Variants in PHC3 observed in about 807,000 individuals in gnomAD.
PHC3 encodes polyhomeotic homolog 3.
PHC3 carries 13 observed loss-of-function variants against 107.4 expected under a neutral mutation model. That is an observed-to-expected ratio of 0.12 (90% CI 0.08 to 0.19). The LOEUF (loss-of-function observed/expected upper bound fraction) is 0.19, where lower values mean the gene tolerates loss of function less well. Ranked by LOEUF, PHC3 falls within the 10% of genes least tolerant of loss-of-function variation. The pLI is 1.00. For synonymous variants in PHC3, 456 were observed against 427.4 expected (o/e 1.07, Z -0.83); for missense variants, 992 against 1,210.9 (o/e 0.82, Z 2.68).
intron 8 of PHC3, 147 bp downstream of exon 8, chr3:170,128,537 C>G (rs1473821250): frequency 3.4e-6 from 4 of 1,169,882 alleles, no homozygotes; most frequent in Non-Finnish European, 4.6e-6. Context: ...TTTGCCCATA[C>G]AGCATGTTTG....
chr3:170,177,443 T>G (rs2108784722), intron 2 of PHC3, among the ~76,000 whole-genome samples: 1 of 152,284 alleles, frequency 6.6e-6, no homozygotes, highest in Middle Eastern at 3.4e-3. Flanking sequence ...CTTGGCTCAC[T>G]GCAACCTCTG....
intron 8 of PHC3, chr3:170,128,311 A>C (rs750185683): frequency 8.2e-7 from 1 of 1,219,212 alleles, no homozygotes; most frequent in Non-Finnish European, 1.1e-6. Flanking sequence ...CATACAAGCC[A>C]ACAGAAGGGA....
At chr3:170,101,712 T>A (rs1485146464) in intron 14 of PHC3, among the ~76,000 whole-genome samples, 1 of 152,160 alleles carries the variant, frequency 6.6e-6, no homozygotes, top group African/African-American at 2.4e-5. Context: ...GGTCTCATCA[T>A]GAGCAAAGGT....
At chr3:170,172,777 A>G (rs1336029691) in intron 2 of PHC3, 65 bp from the exon 3 acceptor site, 3 of 1,508,386 alleles carry the variant, frequency 2.0e-6, no homozygotes, top group Non-Finnish European at 2.7e-6. Context: ...TCAGAAAATC[A>G]AAGTATAAAA....
At chr3:170,162,438 T>C (rs932105412) in intron 4 of PHC3, among the ~76,000 whole-genome samples, 1 of 152,210 alleles carries the variant, frequency 6.6e-6, no homozygotes, top group East Asian at 1.9e-4. Context: ...CAAAATACTA[T>C]GGAGTCATCC....
At position 170,152,868 on chromosome 3, in the gene PHC3, C is replaced by CAA. The variant is rs528476472; in HGVS notation, c.415-3625_415-3624insTT. Among the ~76,000 whole-genome samples, 1,241 of 151,866 alleles carry CAA rather than the reference C, an allele frequency of 8.2e-3. 18 individuals carry two copies. The highest frequency in any genetic ancestry group is 0.028 in the African/African-American group (1,176 of 41,410). ...GTAGAGACAGGGTTTCATCATGTTG[C>CAA]CCAAGCTTGCCTCAAACTCCTGGGC... On this transcript the variant is annotated intron_variant, in intron 4 of 14. Transcript: ENST00000495893.
chr3:170,178,498 C>T (rs920297371), intron 2 of PHC3, among the ~76,000 whole-genome samples: 3 of 152,186 alleles, frequency 2.0e-5, no homozygotes, highest in African/African-American at 2.4e-5. Flanking sequence ...TCTTCCACCA[C>T]GGAATGAGGC....
intron 2 of PHC3, among the ~76,000 whole-genome samples, chr3:170,175,427 CAGA>C (rs1196093922): frequency 6.6e-6 from 1 of 151,550 alleles, no homozygotes; most frequent in Non-Finnish European, 1.5e-5. Flanking sequence ...AGCTTAAAGC[CAGA>C]AGGTCAAGAC....
Position 170,087,759 on chromosome 3 carries a change from G to A in PHC3, c.*9471C>T. On this transcript the variant is annotated 3_prime_UTR_variant, in exon 15 of 15. Coordinates refer to ENST00000495893, the MANE Select transcript of PHC3 (RefSeq NM_024947.4). ...ATATGAAAATGTGCAGGTAACAAAG[G>A]TGCAATTACAAGCAAGTTAAGCAGC... is the stretch of plus-strand genomic sequence containing the variant. 1 of 152,142 alleles carries A rather than the reference G, an allele frequency of 6.6e-6. No individual in the cohort carries two copies. Among genetic ancestry groups the A allele is most frequent in the Non-Finnish European group, 1.5e-5 (1 of 68,002 alleles). 9.4% of individuals were successfully genotyped at this position (152,142 alleles called of 1,614,324 possible).
At chr3:170,099,515 T>G (rs906191777) in intron 14 of PHC3, among the ~76,000 whole-genome samples, 1 of 152,176 alleles carries the variant, frequency 6.6e-6, no homozygotes, top group African/African-American at 2.4e-5. Context: ...TAACATCTAC[T>G]TTGGTAAAAT....
chr3:170,178,256 GC>G (rs1275987430), intron 2 of PHC3, among the ~76,000 whole-genome samples: 3 of 149,574 alleles, frequency 2.0e-5, no homozygotes, highest in Non-Finnish European at 3.0e-5. Flanking sequence ...CCATTCTCCT[GC>G]CTCAGCCTCC....
At chr3:170,108,347 G>C (rs1333903460) in intron 11 of PHC3, among the ~76,000 whole-genome samples, 1 of 152,106 alleles carries the variant, frequency 6.6e-6, no homozygotes, top group Non-Finnish European at 1.5e-5. Context: ...AGTTTTACTG[G>C]GGAAGCAGAT....
intron 2 of PHC3, chr3:170,176,740 A>AT (rs1184804228): frequency 3.4e-5 from 7 of 204,396 alleles, no homozygotes; most frequent in African/African-American, 1.6e-4. Flanking sequence ...CAATTATTCA[A>AT]TAAGTATTAG....
intron 6 of PHC3, among the ~76,000 whole-genome samples, chr3:170,142,644 C>T (rs905683537): frequency 6.6e-6 from 1 of 152,190 alleles, no homozygotes; most frequent in African/African-American, 2.4e-5. Flanking sequence ...TACATGTAAA[C>T]TGAGCAGCAA....
At chr3:170,138,392 G>A (rs955181030) in intron 6 of PHC3, among the ~76,000 whole-genome samples, 2 of 151,618 alleles carry the variant, frequency 1.3e-5, no homozygotes, top group Admixed American at 6.6e-5. Context: ...AAAGTTTAAC[G>A]CAAAAACAAA....
intron 9 of PHC3, among the ~76,000 whole-genome samples, chr3:170,119,036 T>TAAAAAAAAAAAAAAAAAAAAGAAA (rs1002478959): frequency 1.4e-5 from 1 of 72,666 alleles, no homozygotes; most frequent in African/African-American, 4.8e-5. Context: ...TATAAAAAGC[T>TAAAAAAAAAAAAAAAAAAAAGAAA]AAAAAAAAAA....
At chr3:170,115,877 T>TCTCACACACACA (rs1553782582) in intron 10 of PHC3, among the ~76,000 whole-genome samples, 31 of 148,572 alleles carry the variant, frequency 2.1e-4, no homozygotes, top group South Asian at 1.1e-3. Flanking sequence ...TCCAAGTTTC[T>TCTCACACACACA]CACACACACA....
chr3:170,176,958 T>C (rs937201335), intron 2 of PHC3: 1 of 450,436 alleles, frequency 2.2e-6, no homozygotes, highest in Non-Finnish European at 4.5e-6. Flanking sequence ...TCAAACAAAG[T>C]ATAATAGAGT....
Position 170,129,032 on chromosome 3 carries a change from T to A in PHC3, c.1440A>T (p.Pro480=). ...GGGATACCAAGGCAGACTGCTGAAC[T>A]GGGCCAATGTGTACAACAGGGGAAG... ...LPASPVVHIG[P]VQQSALVSPG... The change falls in exon 8 of 15, where the codon CCA becomes CCT. Residue 480 remains proline, a synonymous_variant. Coordinates refer to ENST00000495893, the MANE Select transcript of PHC3 (RefSeq NM_024947.4). The A allele has an allele frequency of 6.2e-7, 1 of 1,613,072 alleles. No individual in the cohort carries two copies. The highest frequency in any genetic ancestry group is 8.5e-7 in the Non-Finnish European group (1 of 1,179,426).
Sources: allele counts gnomAD v4.1 joint callset (sites outside exome capture counted in the v4.1 genomes callset), GRCh38; gene constraint gnomAD v4.1.1; transcripts MANE v1.5; gene names NCBI Gene and HGNC (gene_info 2026-07-23, HGNC 2026-07-21).